The following ASB15 variants were observed in gnomAD, a reference collection of about 807,000 sequenced individuals.
The protein encoded by ASB15 is ankyrin repeat and SOCS box protein 15.
A neutral mutation model predicts 58.0 loss-of-function variants in ASB15; 54 were observed. The observed-to-expected ratio is 0.93, with a 90% confidence interval of 0.75 to 1.17. The LOEUF is 1.17. Ranked by LOEUF, ASB15 falls within the 50% of genes most tolerant of loss-of-function variation. The pLI is 0.00. For missense variants in ASB15, 680 were observed against 707.4 expected (o/e 0.96, Z 0.44); for synonymous variants, 249 against 262.4 (o/e 0.95, Z 0.50).
intron 1 of ASB15, among the ~76,000 whole-genome samples, chr7:123,567,470 T>G (rs1193763098): frequency 6.6e-6 from 1 of 152,214 alleles, no homozygotes; most frequent in Non-Finnish European, 1.5e-5. Flanking sequence ...GAGCTCTTGT[T>G]TATCCAAAAT....
intron 3 of ASB15, among the ~76,000 whole-genome samples, chr7:123,613,423 T>A (rs576850514): frequency 6.6e-5 from 10 of 152,210 alleles, no homozygotes; most frequent in Non-Finnish European, 1.5e-4. Flanking sequence ...AGAAATTTTA[T>A]TTCTATATTT....
At position 123,628,563 on chromosome 7, in the gene ASB15, G is replaced by T. The variant is rs529534759; in HGVS notation, c.870-301G>T. 1.7e-4 allele frequency among the ~76,000 whole-genome samples: 26 copies of T among 152,272 alleles called. No individual in the cohort carries two copies. The South Asian group carries it at 5.2e-3, about 30-fold the overall frequency. On this transcript the variant is annotated intron_variant, in intron 9 of 11. Coordinates refer to ENST00000451215, the MANE Select transcript of ASB15 (RefSeq NM_001290258.2). ...ATTGGTTGCCTGTAAATATTATATT[G>T]TTCAGAGGAGAATTGGAAGATGGGG...
chr7:123,603,810 CA>C (rs1340783768), intron 1 of ASB15, among the ~76,000 whole-genome samples: 1 of 152,168 alleles, frequency 6.6e-6, no homozygotes, highest in African/African-American at 2.4e-5. Context: ...GTGGGGAAAA[CA>C]TACGACTTGT....
At chr7:123,598,821 A>G (rs1424335521), upstream of ASB15, 2 of 152,194 alleles carry the variant, frequency 1.3e-5, no homozygotes, top group Non-Finnish European at 2.9e-5. Context: ...CTACATGGCA[A>G]CTAAATGACC....
chr7:123,630,154 T>G lies in ASB15; in HGVS notation c.1594+35T>G, dbSNP rs1387414209. ...AAAAGTTTTGCCTACAATTTTTAAA[T>G]TAAGAACTTATATGGGGGAAATTTC... On this transcript the variant is annotated intron_variant, in intron 11 of 11. Coordinates refer to ENST00000451215, the MANE Select transcript of ASB15 (RefSeq NM_001290258.2). 4 of 1,493,344 alleles carry G rather than the reference T, an allele frequency of 2.7e-6. No individual in the cohort carries two copies. The East Asian group carries it at 9.2e-5, about 34-fold the overall frequency. The allele number at this position is 1,493,344 out of a possible 1,614,324, so 92.5% of individuals were successfully genotyped here.
chr7:123,589,789 T>C (rs2116352317), intron 1 of ASB15, among the ~76,000 whole-genome samples: 1 of 152,294 alleles, frequency 6.6e-6, no homozygotes, highest in East Asian at 1.9e-4. Flanking sequence ...TATGTGTGCA[T>C]GTGTCTTTAT....
intron 3 of ASB15, chr7:123,614,215 A>G (rs573079567): frequency 3.4e-4 from 102 of 298,514 alleles, no homozygotes; most frequent in African/African-American, 2.2e-3. Context: ...GTGAATTCTT[A>G]TAAGCCCAAC....
At chr7:123,608,122 C>T (rs1359278788) in intron 2 of ASB15, among the ~76,000 whole-genome samples, 2 of 151,874 alleles carry the variant, frequency 1.3e-5, no homozygotes, top group East Asian at 3.9e-4. Flanking sequence ...ATTTTTTTAT[C>T]TAGTCCTCAT....
chr7:123,590,004 T>C (rs1468560576), intron 1 of ASB15, among the ~76,000 whole-genome samples: 1 of 152,198 alleles, frequency 6.6e-6, no homozygotes, highest in Non-Finnish European at 1.5e-5. Context: ...TTTTTAATGA[T>C]TGTCATTCTA....
chr7:123,597,874 T>A (rs1033897648), upstream of ASB15, among the ~76,000 whole-genome samples: 2 of 151,756 alleles, frequency 1.3e-5, no homozygotes, highest in African/African-American at 2.4e-5. Flanking sequence ...CTACTCTAGG[T>A]TGATGATCCA....
intron 4 of ASB15, 128 bp from the exon 5 acceptor site, chr7:123,616,093 T>C: frequency 1.3e-6 from 1 of 751,106 alleles, no homozygotes; most frequent in African/African-American, 1.8e-5. Flanking sequence ...TAAAATCAAT[T>C]ATATGCATCT....
At chr7:123,600,727 T>C (rs1430563998), upstream of ASB15, among the ~76,000 whole-genome samples, 4 of 152,186 alleles carry the variant, frequency 2.6e-5, no homozygotes. Flanking sequence ...CCTTCTTTTA[T>C]CACAGTTAAA....
upstream of ASB15, among the ~76,000 whole-genome samples, chr7:123,601,093 T>C (rs1799860911): frequency 6.6e-6 from 1 of 152,160 alleles, no homozygotes; most frequent in Non-Finnish European, 1.5e-5. Flanking sequence ...GATGGCTTTG[T>C]GAGTGCCGAT....
At chr7:123,623,275 T>A (rs1206016550) in intron 7 of ASB15, 1 of 152,204 alleles carries the variant, frequency 6.6e-6, no homozygotes, top group Non-Finnish European at 1.5e-5. Context: ...CATCTCCATT[T>A]GTAGGGGCAG....
At chr7:123,609,853 A>AT (rs1251802330) in intron 3 of ASB15, among the ~76,000 whole-genome samples, 3 of 152,172 alleles carry the variant, frequency 2.0e-5, no homozygotes, top group Non-Finnish European at 4.4e-5. Context: ...AAAAGGTGTC[A>AT]TATATTCATG....
rs765171071 is a variant in ASB15 at position 123,616,197 on chromosome 7, ATATTATTTTT to A, written c.108-23_108-14del. ...ACTATATCACTAGTATCTAGTATAA[ATATTATTTTT>A]CTTTATCTCATAGATTTGTACCCCT... On this transcript the variant is annotated splice_polypyrimidine_tract_variant and intron_variant, in intron 4 of 11. Coordinates refer to ENST00000451215, the MANE Select transcript of ASB15 (RefSeq NM_001290258.2). 2.0e-6 allele frequency: 3 copies of A among 1,536,162 alleles called. No individual in the cohort carries two copies.
intron 11 of ASB15, 109 bp from the exon 12 acceptor site, chr7:123,636,700 A>C: frequency 1.1e-6 from 1 of 903,680 alleles, no homozygotes; most frequent in East Asian, 2.4e-5. Context: ...TAAAGTGTGC[A>C]TACATGTTTT....
At chr7:123,591,442 T>A (rs980874287) in intron 1 of ASB15, among the ~76,000 whole-genome samples, 3 of 152,208 alleles carry the variant, frequency 2.0e-5, no homozygotes, top group Non-Finnish European at 2.9e-5. Flanking sequence ...GGGTTTGTCA[T>A]AAATAGCTCT....
chr7:123,629,555 T>C, intron 10 of ASB15, 121 bp downstream of exon 10: 1 of 992,740 alleles, frequency 1.0e-6, no homozygotes, highest in Non-Finnish European at 1.4e-6. Flanking sequence ...TTCTTGTTTT[T>C]TCAATTTTTG....
Sources: gnomAD v4.1 joint callset for allele counts (sites outside exome capture counted in the v4.1 genomes callset) on GRCh38, gnomAD v4.1.1 for gene constraint, MANE v1.5 for transcripts, NCBI Gene and HGNC (gene_info 2026-07-23, HGNC 2026-07-21) for gene names.